The following RBM4 variants were observed in gnomAD, a reference collection of about 807,000 sequenced individuals.
RBM4 encodes the protein RNA binding motif protein 4.
RBM4 carries 7 observed loss-of-function variants against 29.5 expected under a neutral mutation model. The ratio of observed to expected loss-of-function variants is 0.24; its 90% CI spans 0.14 to 0.45. RBM4 has a LOEUF of 0.45. Ranked by LOEUF, RBM4 falls within the 20% of genes least tolerant of loss-of-function variation. The pLI is 1.00. For missense variants in RBM4, 387 were observed against 502.3 expected (o/e 0.77, Z 2.19); for synonymous variants, 220 against 205.4 (o/e 1.07, Z -0.61).
In RBM4 at chr11:66,643,550, G is replaced by T. The variant is rs956957778; in HGVS notation, c.513G>T (p.Trp171Cys). ...GCYRCGKEGH[W>C]SKECPIDRSG... ...ATCGGTGCGGGAAAGAGGGGCACTGGTCCAAAGAGTGTCCGATAGATCGTT... is the reference window on the plus strand; with the variant it reads ...ATCGGTGCGGGAAAGAGGGGCACTGTTCCAAAGAGTGTCCGATAGATCGTT... Residue 171 changes from tryptophan (W) to cysteine (C), a missense_variant, in exon 3 of 4, where the codon TGG becomes TGT. By Grantham distance (215) the Trp-to-Cys change is radical. This residue lies in a region of RBM4 where 281 missense variants were observed against 288.7 expected (regional missense o/e 0.97). Coordinates refer to ENST00000310092, the MANE Select transcript of RBM4 (RefSeq NM_002896.4). The surrounding 1 kb of genome is among the most constrained non-coding windows in gnomAD (Gnocchi z 6.1). 6.2e-7 allele frequency: 1 copy of T among 1,613,982 alleles called. No individual in the cohort carries two copies.
chr11:66,644,328 A>T (rs759318306), intron 3 of RBM4, 188 bp downstream of exon 3: 80 of 805,182 alleles, frequency 9.9e-5, no homozygotes, highest in Non-Finnish European at 1.3e-4. Context: ...CTTGGCCCTC[A>T]TGGCTATTTT....
At chr11:66,666,426 C>T (rs1939232491) in exon 3 of RBM4, 20 of 988,026 alleles carry the variant, frequency 2.0e-5, no homozygotes, top group Non-Finnish European at 2.4e-5. Context: ...ATCCTGGCAG[C>T]CTCATTAACA....
rs73505435 is a variant in RBM4, at chr11:66,644,624, C to T, written c.*8+484C>T. 1.5e-4 allele frequency: 140 copies of T among 921,522 alleles called. No individual in the cohort carries two copies. The African/African-American group carries it at 2.3e-3, about 15-fold the overall frequency. The allele number at this position is 921,522 out of a possible 1,614,324, so 57.1% of individuals were successfully genotyped here. ...TCCATAACTGTAGTTAACTGGTCAT[C>T]ACTGCTCAGGTCCCAGTTACTAAGA... On this transcript the variant is annotated intron_variant, in intron 3 of 3. Transcript: ENST00000310092.
downstream of RBM4, among the ~76,000 whole-genome samples, chr11:66,647,093 GC>G (rs1363827643): frequency 6.6e-6 from 1 of 152,218 alleles, no homozygotes; most frequent in African/African-American, 2.4e-5. Flanking sequence ...GAATGATGGG[GC>G]TGAGTGCAAG....
downstream of RBM4, chr11:66,649,694 T>G (rs1376865128): frequency 2.9e-6 from 2 of 699,890 alleles, no homozygotes; most frequent in Admixed American, 4.0e-5. Context: ...CTGCCACTCC[T>G]TAGGAATAAT....
chr11:66,654,062 T>C (rs942627446), intron 2 of RBM4, among the ~76,000 whole-genome samples: 5 of 152,152 alleles, frequency 3.3e-5, no homozygotes, highest in African/African-American at 1.2e-4. Flanking sequence ...GGTCTTGCTC[T>C]GTCATCCAGG....
intron 2 of RBM4, among the ~76,000 whole-genome samples, chr11:66,642,089 C>G (rs1938491751): frequency 6.6e-6 from 1 of 152,198 alleles, no homozygotes; most frequent in African/African-American, 2.4e-5. Context: ...AATTGCATAT[C>G]TACTCTCTTT....
chr11:66,650,320 A>C (rs1298197351), downstream of RBM4, among the ~76,000 whole-genome samples: 2 of 152,222 alleles, frequency 1.3e-5, no homozygotes, highest in African/African-American at 2.4e-5. Flanking sequence ...CTGTAATCCC[A>C]GCACTTTGGG....
intron 2 of RBM4, among the ~76,000 whole-genome samples, chr11:66,658,104 G>C (rs1259383031): frequency 6.6e-6 from 1 of 151,450 alleles, no homozygotes; most frequent in Non-Finnish European, 1.5e-5. Flanking sequence ...TCTCGGCTCA[G>C]TGCAACCTCT....
chr11:66,662,016 C>G (rs902323208), intron 2 of RBM4, among the ~76,000 whole-genome samples: 4 of 152,078 alleles, frequency 2.6e-5, no homozygotes, highest in Non-Finnish European at 5.9e-5. Flanking sequence ...AGTGACAGAG[C>G]GAGACTCCAT....
At chr11:66,662,688 T>C (rs1351265004) in intron 2 of RBM4, among the ~76,000 whole-genome samples, 1 of 152,128 alleles carries the variant, frequency 6.6e-6, no homozygotes, top group Non-Finnish European at 1.5e-5. Context: ...CAGGCGTGAG[T>C]CACGCACCTG....
chr11:66,659,955 A>C (rs1815103227), intron 2 of RBM4, among the ~76,000 whole-genome samples: 1 of 152,142 alleles, frequency 6.6e-6, no homozygotes, highest in African/African-American at 2.4e-5. Context: ...AGAACCTTTC[A>C]GCAACTTCCC....
Position 66,643,691 on chromosome 11 carries a change from C to A in RBM4, c.654C>A (p.Leu218=). 1 of 1,614,138 alleles carries A rather than the reference C, an allele frequency of 6.2e-7. No individual in the cohort carries two copies. The highest frequency in any genetic ancestry group is 1.7e-5 in the Admixed American group (1 of 60,022). ...ATTACAACAACGCGTACGGAGCGCT[C>A]GATGCCTACTACAAGCGCTGCCGTG... ...SLYYNNAYGA[L]DAYYKRCRAA... The change falls in exon 3 of 4, where the codon CTC becomes CTA. Residue 218 remains leucine, a synonymous_variant. Transcript: ENST00000310092. This position sits in a 1 kb window ranked among gnomAD's most constrained non-coding sequence, Gnocchi z 6.1.
chr11:66,644,878 T>C (rs927073091), intron 3 of RBM4: 5 of 186,484 alleles, frequency 2.7e-5, no homozygotes, highest in African/African-American at 1.2e-4. Flanking sequence ...ACTCCATTGC[T>C]ATATCTTTCA....
In RBM4 at chr11:66,639,948, G is replaced by C; in HGVS notation, c.237G>C (p.Lys79Asn). 6.2e-7 allele frequency: 1 copy of C among 1,614,180 alleles called. No homozygotes were observed. Among genetic ancestry groups the C allele is most frequent in the Non-Finnish European group, 8.5e-7 (1 of 1,180,048 alleles). The change falls in exon 2 of 4, where the codon AAG (lysine) becomes AAC (asparagine). Residue 79 changes from lysine (K) to asparagine (N), a missense_variant. Physicochemically the swap from Lys to Asn is moderately conservative, Grantham distance 94 (BLOSUM62 0). Transcript: ENST00000310092. ...AGAATAAGAGCAAAACCTCAACAAA[G>C]TTGCATGTGGGCAACATCAGTCCCA... ...ASKNKSKTST[K>N]LHVGNISPTC...
intron 2 of RBM4, chr11:66,665,823 G>C (rs1265789205): frequency 1.3e-6 from 2 of 1,490,512 alleles, no homozygotes; most frequent in Admixed American, 4.1e-5. Flanking sequence ...GAATGTGTTG[G>C]TGATAAATAC....
At chr11:66,662,272 A>G (rs1939097972) in intron 2 of RBM4, among the ~76,000 whole-genome samples, 1 of 152,252 alleles carries the variant, frequency 6.6e-6, no homozygotes, top group African/African-American at 2.4e-5. Flanking sequence ...CAGTAGCCAC[A>G]AATTGGACAG....
chr11:66,661,993 G>GCACTC lies in RBM4; in HGVS notation c.413-3860_413-3856dup, dbSNP rs550705696. The stretch of plus-strand genomic sequence containing the variant: ...TGCAGTGAGCCGAGATCATGCCAGT[G>GCACTC]CACTCCAGCCTCAGTGACAGAGCGA... On this transcript the variant is annotated intron_variant, in intron 2 of 2. Transcript: ENST00000396053. Among the ~76,000 whole-genome samples the GCACTC allele has an allele frequency of 3.2e-4, 49 of 152,318 alleles. No homozygotes were observed. In the South Asian group the frequency reaches 9.7e-3, roughly 30 times the overall value.
intron 2 of RBM4, among the ~76,000 whole-genome samples, chr11:66,663,166 T>C (rs1939116827): frequency 6.6e-6 from 1 of 152,224 alleles, no homozygotes; most frequent in South Asian, 2.1e-4. Context: ...ATGTGTTCTA[T>C]GGGGATCTAA....
Sources: allele counts gnomAD v4.1 joint callset (sites outside exome capture counted in the v4.1 genomes callset), GRCh38; gene constraint gnomAD v4.1.1; regional missense constraint gnomAD v4.1.1; non-coding constraint Gnocchi (gnomAD v3.1); transcripts MANE v1.5; gene names NCBI Gene and HGNC (gene_info 2026-07-23, HGNC 2026-07-21).